PDE7A: variants seen among roughly 807,000 people sequenced by gnomAD.
The protein encoded by PDE7A is high affinity 3',5'-cyclic-AMP phosphodiesterase 7A.
In PDE7A, 39 loss-of-function variants were observed where a neutral mutation model predicts 64.3. The observed-to-expected ratio is 0.61, with a 90% CI of 0.47 to 0.79. The LOEUF (loss-of-function observed/expected upper bound fraction) is 0.79. Among genes scored for constraint, PDE7A ranks in the 30% least tolerant of loss-of-function variants. The pLI, the probability that PDE7A is intolerant of heterozygous loss-of-function variation, is 0.00. For missense variants in PDE7A, 470 were observed against 582.8 expected (o/e 0.81, Z 1.99); for synonymous variants, 203 against 206.8 (o/e 0.98, Z 0.16).
chr8:65,743,302 G>A (rs1485077847), intron 5 of PDE7A, among the ~76,000 whole-genome samples: 1 of 152,202 alleles, frequency 6.6e-6, no homozygotes, highest in African/African-American at 2.4e-5. Flanking sequence ...TCAAAAAGGA[G>A]AAGGGCCAAG....
chr8:65,804,717 T>G (rs1563514117), intron 1 of PDE7A, among the ~76,000 whole-genome samples: 1 of 151,888 alleles, frequency 6.6e-6, no homozygotes, highest in Non-Finnish European at 1.5e-5. Context: ...TTTTCTATTT[T>G]TAGTAGAGAC....
At chr8:65,836,762 T>C (rs188835019) in intron 1 of PDE7A, among the ~76,000 whole-genome samples, 4 of 152,332 alleles carry the variant, frequency 2.6e-5, no homozygotes, top group Admixed American at 6.5e-5. Context: ...TAAAAATTCA[T>C]TTCCTCAGTC....
intron 3 of PDE7A, among the ~76,000 whole-genome samples, chr8:65,768,422 A>T (rs1211287101): frequency 6.6e-6 from 1 of 151,992 alleles, no homozygotes; most frequent in African/African-American, 2.4e-5. Flanking sequence ...GTCTCAGGAG[A>T]TCTCATGGTT....
intron 4 of PDE7A, among the ~76,000 whole-genome samples, chr8:65,747,065 TA>T (rs1489545235): frequency 6.6e-6 from 1 of 152,184 alleles, no homozygotes; most frequent in Non-Finnish European, 1.5e-5. Flanking sequence ...AGGAAGTAAA[TA>T]ATGCTCACAA....
intron 1 of PDE7A, among the ~76,000 whole-genome samples, chr8:65,784,665 A>T (rs1410508860): frequency 6.6e-6 from 1 of 152,092 alleles, no homozygotes; most frequent in Non-Finnish European, 1.5e-5. Context: ...ATAAACTTCA[A>T]ACCCAGAAAA....
intron 1 of PDE7A, among the ~76,000 whole-genome samples, chr8:65,820,161 C>T (rs371457458): frequency 2.0e-5 from 3 of 152,174 alleles, no homozygotes; most frequent in East Asian, 3.8e-4. Flanking sequence ...GTTGGGAGGC[C>T]GAGGCAGGTG....
intron 3 of PDE7A, among the ~76,000 whole-genome samples, chr8:65,766,860 T>C (rs929278058): frequency 1.6e-4 from 25 of 152,210 alleles, no homozygotes; most frequent in African/African-American, 5.8e-4. Context: ...GGTGTAATAC[T>C]TAGATATAGG....
intron 11 of PDE7A, 49 bp downstream of exon 11, chr8:65,724,204 TAA>T: frequency 2.6e-6 from 3 of 1,139,572 alleles, no homozygotes; most frequent in African/African-American, 1.5e-5. Flanking sequence ...CTTACGATGT[TAA>T]AAAAAAATGA....
intron 1 of PDE7A, 127 bp downstream of exon 1, chr8:65,841,244 G>A (rs1322347211): frequency 2.7e-6 from 3 of 1,109,858 alleles, no homozygotes; most frequent in Non-Finnish European, 3.6e-6. Context: ...CAATCGAAAG[G>A]CCAGCCTAGA....
chr8:65,818,443 T>A (rs957478452), intron 1 of PDE7A, among the ~76,000 whole-genome samples: 2 of 152,220 alleles, frequency 1.3e-5, no homozygotes, highest in Admixed American at 6.5e-5. Context: ...CTCATTTTTT[T>A]AATATATTCT....
At position 65,835,399 on chromosome 8, in the gene PDE7A, C is replaced by T. The variant is rs377247943; in HGVS notation, c.138+5972G>A. ...TAAATTCCTTAAGAGGGCCTGCATGCAATAAGGCTTCTTCATCATCTAAAT... is the reference window on the plus strand; with the variant it reads ...TAAATTCCTTAAGAGGGCCTGCATGTAATAAGGCTTCTTCATCATCTAAAT... On this transcript the variant is annotated intron_variant, in intron 1 of 12. Transcript: ENST00000401827. Among the ~76,000 whole-genome samples, 4 of 152,314 alleles carry T rather than the reference C, an allele frequency of 2.6e-5. No homozygotes were observed. The South Asian group carries it at 8.3e-4, about 32-fold the overall frequency.
chr8:65,767,060 G>C (rs1808824453), intron 3 of PDE7A, among the ~76,000 whole-genome samples: 1 of 152,092 alleles, frequency 6.6e-6, no homozygotes, highest in African/African-American at 2.4e-5. Context: ...ACATCCAACT[G>C]AATCTTGTTT....
At chr8:65,811,472 G>A (rs1810258809) in intron 1 of PDE7A, among the ~76,000 whole-genome samples, 1 of 152,228 alleles carries the variant, frequency 6.6e-6, no homozygotes, top group East Asian at 1.9e-4. Context: ...AACCCAACGA[G>A]AAGCCAGACG....
chr8:65,784,361 G>C (rs1481401346), intron 1 of PDE7A, among the ~76,000 whole-genome samples: 1 of 152,120 alleles, frequency 6.6e-6, no homozygotes, highest in East Asian at 1.9e-4. Flanking sequence ...AATCTGTGGA[G>C]GAAATACTGA....
At chr8:65,798,502 G>T (rs1809913896) in intron 1 of PDE7A, among the ~76,000 whole-genome samples, 1 of 151,936 alleles carries the variant, frequency 6.6e-6, no homozygotes, top group Admixed American at 6.6e-5. Flanking sequence ...GAGCCACCTT[G>T]TTGCCTGGCC....
At chr8:65,737,381 G>A (rs562861538) in intron 6 of PDE7A, among the ~76,000 whole-genome samples, 1 of 152,172 alleles carries the variant, frequency 6.6e-6, no homozygotes, top group South Asian at 2.1e-4. Context: ...TATAGCTACT[G>A]GGGCTACTCA....
At chr8:65,839,477 T>C (rs977313857) in intron 1 of PDE7A, among the ~76,000 whole-genome samples, 10 of 152,006 alleles carry the variant, frequency 6.6e-5, no homozygotes, top group African/African-American at 1.5e-4. Flanking sequence ...TTAAATGATA[T>C]GCAAAGTCTT....
intron 1 of PDE7A, among the ~76,000 whole-genome samples, chr8:65,814,585 AAG>A (rs1161156883): frequency 6.6e-6 from 1 of 152,046 alleles, no homozygotes; most frequent in Non-Finnish European, 1.5e-5. Flanking sequence ...AATACATACG[AAG>A]ATGTCTATCT....
chr8:65,745,477 T>A lies in PDE7A; in HGVS notation c.436-7A>T. On this transcript the variant is annotated splice_region_variant and splice_polypyrimidine_tract_variant and intron_variant, in intron 4 of 12. Coordinates refer to ENST00000401827, the MANE Select transcript of PDE7A (RefSeq NM_001242318.3). ...CAACTTTTTCCAGCATACACTGAAA[T>A]GAAAACCAAACATTTCTACTGTAAT... 6.7e-7 allele frequency: 1 copy of A among 1,493,848 alleles called. No homozygotes were observed. Among genetic ancestry groups the A allele is most frequent in the Non-Finnish European group, 9.3e-7 (1 of 1,070,616 alleles). 92.5% of individuals were successfully genotyped at this position (1,493,848 alleles called of 1,614,324 possible). A position where few individuals can be genotyped will look rare whatever the true frequency, so the allele number is the denominator to read the frequency against.
Sources: gnomAD v4.1 joint callset for allele counts (sites outside exome capture counted in the v4.1 genomes callset) on GRCh38, gnomAD v4.1.1 for gene constraint, MANE v1.5 for transcripts, NCBI Gene and HGNC (gene_info 2026-07-23, HGNC 2026-07-21) for gene names.